TYR: variants seen among roughly 807,000 people sequenced by gnomAD.
The protein encoded by TYR is tyrosinase.
TYR carries 58 observed loss-of-function variants against 51.5 expected under a neutral mutation model. The observed-to-expected ratio is 1.13, with a 90% CI of 0.91 to 1.40. The LOEUF is 1.40. Among genes scored for constraint, TYR ranks in the 40% most tolerant of loss-of-function variants. The pLI, the probability that TYR is intolerant of heterozygous loss-of-function variation, is 0.00. For synonymous variants in TYR, 263 were observed against 235.2 expected (o/e 1.12, Z -1.08); for missense variants, 732 against 647.4 (o/e 1.13, Z -1.42).
At chr11:89,255,890 T>C (rs1433987431) in intron 3 of TYR, among the ~76,000 whole-genome samples, 1 of 151,730 alleles carries the variant, frequency 6.6e-6, no homozygotes, top group Non-Finnish European at 1.5e-5. Context: ...TGTTTTTCCA[T>C]TATACATTTC....
At chr11:89,295,080 A>T (rs1285276420) in intron 4 of TYR, 63 bp from the exon 5 acceptor site, 1 of 1,595,190 alleles carries the variant, frequency 6.3e-7, no homozygotes, top group Non-Finnish European at 8.5e-7. Flanking sequence ...GAAAGGATGA[A>T]GATGATGGTG....
chr11:89,216,647 C>CAAAAAAAAA (rs11411684), intron 2 of TYR, among the ~76,000 whole-genome samples: 4 of 80,806 alleles, frequency 5.0e-5, no homozygotes, highest in Admixed American at 1.6e-4. Flanking sequence ...TTTTCCATCT[C>CAAAAAAAAA]AAAAAAAAAA....
chr11:89,184,336 A>G (rs1170097667), intron 1 of TYR, among the ~76,000 whole-genome samples: 1 of 152,152 alleles, frequency 6.6e-6, no homozygotes, highest in African/African-American at 2.4e-5. Context: ...GAGATTACTC[A>G]AAGAGGAATA....
chr11:89,277,166 T>A (rs907502607), intron 3 of TYR, among the ~76,000 whole-genome samples: 1 of 151,776 alleles, frequency 6.6e-6, no homozygotes, highest in African/African-American at 2.4e-5. Flanking sequence ...AATGGAAATG[T>A]TTATTATCAT....
chr11:89,200,979 G>A (rs1943590848), intron 2 of TYR, among the ~76,000 whole-genome samples: 1 of 152,102 alleles, frequency 6.6e-6, no homozygotes, highest in African/African-American at 2.4e-5. Context: ...CATCATGAAT[G>A]AGTATTTTAC....
At chr11:89,240,763 C>G (rs1287439156) in intron 3 of TYR, among the ~76,000 whole-genome samples, 3 of 152,138 alleles carry the variant, frequency 2.0e-5, no homozygotes, top group Non-Finnish European at 4.4e-5. Flanking sequence ...TACATTAGTA[C>G]AGTTGCAGGT....
chr11:89,214,353 A>T (rs1028131753), intron 2 of TYR, among the ~76,000 whole-genome samples: 1 of 152,220 alleles, frequency 6.6e-6, no homozygotes, highest in Non-Finnish European at 1.5e-5. Flanking sequence ...TGCCTGTTAG[A>T]ATGGCGATCA....
rs559814249 is a variant in TYR, at chr11:89,233,566, A to G, written c.1184+5596A>G. ...TATGGAATATATAGCCTTACAAAAT[A>G]TACTTCTTAAATAAGATTTGAAAGT... is the stretch of plus-strand genomic sequence containing the variant. On this transcript the variant is annotated intron_variant, in intron 3 of 4. Coordinates refer to ENST00000263321, the MANE Select transcript of TYR (RefSeq NM_000372.5). 1.3e-3 allele frequency among the ~76,000 whole-genome samples: 188 copies of G among 141,358 alleles called. 42 individuals are homozygous for G. The highest frequency in any genetic ancestry group is 5.1e-3 in the African/African-American group (181 of 35,616). 92.7% of individuals were successfully genotyped at this position (141,358 alleles called of 152,430 possible). A position where few individuals can be genotyped will look rare whatever the true frequency, so the allele number is the denominator to read the frequency against.
At chr11:89,223,133 C>A (rs1437872424) in intron 2 of TYR, among the ~76,000 whole-genome samples, 1 of 152,166 alleles carries the variant, frequency 6.6e-6, no homozygotes, top group Non-Finnish European at 1.5e-5. Flanking sequence ...ATTGATTCCC[C>A]AACTACTAGC....
intron 2 of TYR, among the ~76,000 whole-genome samples, chr11:89,211,352 A>G (rs1214113504): frequency 6.6e-6 from 1 of 152,204 alleles, no homozygotes; most frequent in African/African-American, 2.4e-5. Context: ...AAAGAAAAAA[A>G]GAAGGCCATT....
rs866422740 is a variant in TYR, at chr11:89,266,229, T to C, written c.1185-18544T>C. Among the ~76,000 whole-genome samples, 36 of 152,028 alleles carry C rather than the reference T, an allele frequency of 2.4e-4. 1 individual carries two copies. Among genetic ancestry groups the C allele is most frequent in the African/African-American group, 2.4e-4 (10 of 41,448 alleles). On this transcript the variant is annotated intron_variant, in intron 3 of 4. Transcript: ENST00000263321. Reference sequence around the variant, plus strand: ...TTGCCAATGATATTAGTGTTATTCTTGCATAAATTATTTGTGTATTGGTGT... The same window carrying C: ...TTGCCAATGATATTAGTGTTATTCTCGCATAAATTATTTGTGTATTGGTGT...
intron 3 of TYR, among the ~76,000 whole-genome samples, chr11:89,230,494 C>T (rs974188442): frequency 6.6e-6 from 1 of 151,752 alleles, no homozygotes; most frequent in African/African-American, 2.4e-5. Flanking sequence ...GGAGAGGAGC[C>T]CCAAAGCAAA....
At position 89,254,031 on chromosome 11, in the gene TYR, T is replaced by C. The variant is rs370806070; in HGVS notation, c.1184+26061T>C. Among the ~76,000 whole-genome samples, 106 of 151,910 alleles carry C rather than the reference T, an allele frequency of 7.0e-4. 4 individuals are homozygous for C. The East Asian group carries it at 0.011, about 16-fold the overall frequency. Reference sequence around the variant, plus strand: ...CCAATTTTGATGAAGGTTTTAATCATAAAGGGATGCTGGATTTTGTCAAGT... The same window carrying C: ...CCAATTTTGATGAAGGTTTTAATCACAAAGGGATGCTGGATTTTGTCAAGT... On this transcript the variant is annotated intron_variant, in intron 3 of 4. Transcript: ENST00000263321.
In TYR at chr11:89,280,737, AT is replaced by A. The variant is rs368971065; in HGVS notation, c.1185-4030del. Among the ~76,000 whole-genome samples, 1,393 of 151,200 alleles carry A rather than the reference AT, an allele frequency of 9.2e-3. 24 individuals are homozygous for A. Among genetic ancestry groups the A allele is most frequent in the African/African-American group, 0.032 (1,321 of 41,254 alleles). On this transcript the variant is annotated intron_variant, in intron 3 of 4. Transcript: ENST00000263321. ...TTCTTCTCTGTTGCCATGACTTGTA[AT>A]TTTTTATTAAAAGCCATATGTTTTA...
chr11:89,211,537 G>C lies in TYR; in HGVS notation c.1037-16286G>C, dbSNP rs370749827. ...AACACCCCACTGTCAATATTAGACA[G>C]ATCAATGAGACAGAAAATTAGCAAG... On this transcript the variant is annotated intron_variant, in intron 2 of 4. Coordinates refer to ENST00000263321, the MANE Select transcript of TYR (RefSeq NM_000372.5). Among the ~76,000 whole-genome samples the C allele has an allele frequency of 2.0e-5, 3 of 152,254 alleles. No homozygotes were observed. In the East Asian group the frequency reaches 5.8e-4, roughly 29 times the overall value.
intron 1 of TYR, among the ~76,000 whole-genome samples, chr11:89,184,696 T>G (rs1943346167): frequency 6.6e-6 from 1 of 152,196 alleles, no homozygotes; most frequent in African/African-American, 2.4e-5. Flanking sequence ...TTTCGTATAT[T>G]ATGTCATAGT....
intron 3 of TYR, among the ~76,000 whole-genome samples, chr11:89,280,416 C>T (rs990227282): frequency 2.6e-5 from 4 of 151,468 alleles, no homozygotes; most frequent in African/African-American, 9.7e-5. Flanking sequence ...CTTTTCTTGG[C>T]CATATCAATG....
At position 89,194,709 on chromosome 11, in the gene TYR, G is replaced by A. The variant is rs867370505; in HGVS notation, c.1036+3291G>A. Among the ~76,000 whole-genome samples the A allele has an allele frequency of 3.3e-5, 5 of 151,004 alleles. No individual in the cohort carries two copies. The South Asian group carries it at 1.0e-3, about 32-fold the overall frequency. On this transcript the variant is annotated intron_variant, in intron 2 of 4. Coordinates refer to ENST00000263321, the MANE Select transcript of TYR (RefSeq NM_000372.5). ...CATCTATCTATATTAATGGTATGGAGTAAAGGCTTTCCATTGTTTGATAGT... is the reference window on the plus strand; with the variant it reads ...CATCTATCTATATTAATGGTATGGAATAAAGGCTTTCCATTGTTTGATAGT...
rs11411684 is a variant in TYR at position 89,216,647 on chromosome 11, C to CAAAAAAA, written c.1037-11160_1037-11154dup. On this transcript the variant is annotated intron_variant, in intron 2 of 4. Transcript: ENST00000263321. ...CAGCCTGGATGGAGTTTTTCCATCT[C>CAAAAAAA]AAAAAAAAAAAAAAAAAAAAAATAG... 3.1e-3 allele frequency among the ~76,000 whole-genome samples: 247 copies of CAAAAAAA among 80,776 alleles called. 5 individuals are homozygous for CAAAAAAA. Among genetic ancestry groups the CAAAAAAA allele is most frequent in the African/African-American group, 0.011 (235 of 21,746 alleles). The allele number at this position is 80,776 out of a possible 152,430, so 53.0% of individuals were successfully genotyped here.
Sources: gnomAD v4.1 joint callset for allele counts (sites outside exome capture counted in the v4.1 genomes callset) on GRCh38, gnomAD v4.1.1 for gene constraint, MANE v1.5 for transcripts, NCBI Gene and HGNC (gene_info 2026-07-23, HGNC 2026-07-21) for gene names.